The following CCDC91 variants were observed in gnomAD, a reference collection of about 807,000 sequenced individuals.
CCDC91 encodes the protein coiled-coil domain containing 91.
In CCDC91, 48 loss-of-function variants were observed where a neutral mutation model predicts 63.2. That is an observed-to-expected ratio of 0.76 (90% CI 0.60 to 0.97). The LOEUF (loss-of-function observed/expected upper bound fraction) is 0.97. Among genes scored for constraint, CCDC91 ranks in the 50% least tolerant of loss-of-function variants. CCDC91 has a pLI of 0.00. For missense variants in CCDC91, 500 were observed against 494.6 expected (o/e 1.01, Z -0.10); for synonymous variants, 167 against 165.8 (o/e 1.01, Z -0.06).
At chr12:28,337,512 CTG>C (rs1411561022) in intron 6 of CCDC91, among the ~76,000 whole-genome samples, 2 of 150,958 alleles carry the variant, frequency 1.3e-5, no homozygotes, top group African/African-American at 4.9e-5. Flanking sequence ...GCAGGAAAGT[CTG>C]TCTTGATTCA....
At chr12:28,499,268 G>A (rs192777687) in intron 12 of CCDC91, among the ~76,000 whole-genome samples, 1 of 151,780 alleles carries the variant, frequency 6.6e-6, no homozygotes, top group African/African-American at 2.4e-5. Context: ...TGTTGGTTAA[G>A]TAGTATACAT....
chr12:28,491,750 A>G (rs1952013021), intron 12 of CCDC91, among the ~76,000 whole-genome samples: 1 of 151,816 alleles, frequency 6.6e-6, no homozygotes, highest in Non-Finnish European at 1.5e-5. Flanking sequence ...ATGCAATTCT[A>G]GAATATCTTG....
intron 8 of CCDC91, among the ~76,000 whole-genome samples, chr12:28,394,194 C>G (rs915174542): frequency 6.6e-5 from 10 of 152,108 alleles, no homozygotes; most frequent in Admixed American, 1.3e-4. Flanking sequence ...TTAGTCGTTG[C>G]AGTGGCTCAC....
At chr12:28,434,626 G>T (rs1465034358) in intron 8 of CCDC91, among the ~76,000 whole-genome samples, 1 of 140,750 alleles carries the variant, frequency 7.1e-6, no homozygotes, top group Non-Finnish European at 1.5e-5. Context: ...TTTTGATTGG[G>T]GGGTGGGTAA....
chr12:28,348,806 C>G lies in CCDC91; in HGVS notation c.577-13632C>G, dbSNP rs372444905. 3.3e-5 allele frequency among the ~76,000 whole-genome samples: 5 copies of G among 152,136 alleles called. No homozygotes were observed. In the South Asian group the frequency reaches 1.0e-3, roughly 32 times the overall value. On this transcript the variant is annotated intron_variant, in intron 6 of 12. Transcript: ENST00000536442. The stretch of plus-strand genomic sequence containing the variant: ...TGGTGTGATCTTGGCTCACTGCAAC[C>G]TCTGCCTCCCAGGCTCAAGCGATTC...
At chr12:28,280,180 G>A (rs2172299) in intron 3 of CCDC91, among the ~76,000 whole-genome samples, 30,499 of 152,066 alleles carry the variant, frequency 0.2, 4,017 homozygotes, top group Non-Finnish European at 0.3. Context: ...ATTTAAACTA[G>A]CAGTCATGCT....
intron 11 of CCDC91, among the ~76,000 whole-genome samples, chr12:28,463,407 A>C (rs1286473138): frequency 6.6e-6 from 1 of 152,242 alleles, no homozygotes; most frequent in Non-Finnish European, 1.5e-5. Context: ...CTCCACTGGC[A>C]CAAAAAGGAC....
chr12:28,210,884 T>A (rs1003582350), intron 1 of CCDC91, among the ~76,000 whole-genome samples: 6 of 151,910 alleles, frequency 3.9e-5, no homozygotes, highest in Non-Finnish European at 5.9e-5. Flanking sequence ...GCCAAATAGT[T>A]ACAAAGTCAA....
chr12:28,322,846 C>A lies in CCDC91; in HGVS notation c.576+15097C>A, dbSNP rs1393199001. On this transcript the variant is annotated intron_variant, in intron 6 of 12. Coordinates refer to ENST00000536442, the MANE Select transcript of CCDC91 (RefSeq NM_018318.5). ...AATGCCTGTTTTACCATATCCTTGCCTACTGGGTATTGCCAGACTTTTAAT... is the reference window on the plus strand; with the variant it reads ...AATGCCTGTTTTACCATATCCTTGCATACTGGGTATTGCCAGACTTTTAAT... 2.6e-5 allele frequency among the ~76,000 whole-genome samples: 4 copies of A among 151,684 alleles called. No homozygotes were observed. The South Asian group carries it at 8.3e-4, about 32-fold the overall frequency.
intron 11 of CCDC91, among the ~76,000 whole-genome samples, chr12:28,467,203 A>T (rs1950587948): frequency 6.6e-6 from 1 of 152,068 alleles, no homozygotes; most frequent in South Asian, 2.1e-4. Context: ...AGACCCCTTG[A>T]TCTGTTGCCT....
At chr12:28,371,392 A>G (rs1332632287) in intron 7 of CCDC91, among the ~76,000 whole-genome samples, 1 of 152,178 alleles carries the variant, frequency 6.6e-6, no homozygotes, top group Admixed American at 6.5e-5. Flanking sequence ...GAGGTTTAAC[A>G]ATTTCATCCT....
intron 1 of CCDC91, among the ~76,000 whole-genome samples, chr12:28,221,085 C>A (rs781286234): frequency 5.9e-5 from 9 of 151,950 alleles, no homozygotes; most frequent in Non-Finnish European, 1.2e-4. Context: ...TGAAATTATC[C>A]ATTTTTTCTC....
At chr12:28,531,548 A>G (rs992819559) in intron 12 of CCDC91, among the ~76,000 whole-genome samples, 10 of 152,172 alleles carry the variant, frequency 6.6e-5, no homozygotes, top group African/African-American at 1.9e-4. Context: ...TTTAAAGAGT[A>G]CCATCACTCA....
chr12:28,429,131 A>G (rs1364577398), intron 8 of CCDC91, among the ~76,000 whole-genome samples: 2 of 152,156 alleles, frequency 1.3e-5, no homozygotes, highest in African/African-American at 4.8e-5. Context: ...GGTGTGGTTC[A>G]AACTGTAACC....
intron 7 of CCDC91, among the ~76,000 whole-genome samples, chr12:28,384,451 A>G (rs1349942970): frequency 6.6e-6 from 1 of 152,124 alleles, no homozygotes; most frequent in East Asian, 1.9e-4. Context: ...ACTTCCATGC[A>G]TATGTGTAGC....
chr12:28,206,560 C>G (rs374315902), intron 1 of CCDC91, among the ~76,000 whole-genome samples: 3 of 152,088 alleles, frequency 2.0e-5, no homozygotes, highest in Admixed American at 6.5e-5. Flanking sequence ...AACCAAACCT[C>G]CTAAACTCAA....
chr12:28,268,791 G>A (rs1370109711), intron 3 of CCDC91: 13 of 452,618 alleles, frequency 2.9e-5, no homozygotes, highest in Non-Finnish European at 3.5e-5. Context: ...AGTGCAATAT[G>A]AGACTAAGAA....
At chr12:28,230,206 A>C (rs915989398) in intron 1 of CCDC91, among the ~76,000 whole-genome samples, 1 of 152,188 alleles carries the variant, frequency 6.6e-6, no homozygotes, top group Non-Finnish European at 1.5e-5. Context: ...TGCCTAAGGC[A>C]GGGAAATTGG....
chr12:28,254,714 A>G (rs559378604), intron 1 of CCDC91, among the ~76,000 whole-genome samples: 34 of 151,536 alleles, frequency 2.2e-4, no homozygotes, highest in African/African-American at 7.7e-4. Flanking sequence ...TTGGGACATA[A>G]TTTGTTTTTT....
Sources: gnomAD v4.1 joint callset for allele counts (sites outside exome capture counted in the v4.1 genomes callset) on GRCh38, gnomAD v4.1.1 for gene constraint, MANE v1.5 for transcripts, NCBI Gene and HGNC (gene_info 2026-07-23, HGNC 2026-07-21) for gene names.